Variants in CDH13 observed in about 807,000 individuals in gnomAD.
The protein encoded by CDH13 is cadherin-13.
Under a neutral mutation model 63.8 loss-of-function variants are expected in CDH13, and 24 were observed. The observed-to-expected ratio is 0.38, with a 90% CI of 0.27 to 0.53. The LOEUF is 0.53. CDH13 is among the 20% of genes least tolerant of loss of function. The pLI is 0.85. For missense variants in CDH13, 1,049 were observed against 903.1 expected, an observed-to-expected ratio of 1.16 and a Z score of -2.07; for synonymous variants, 503 against 355.3, an observed-to-expected ratio of 1.42 and a Z score of -4.67.
At chr16:83,145,358 T>C (rs933529497) in intron 4 of CDH13, among the ~76,000 whole-genome samples, 3 of 152,202 alleles carry the variant, frequency 2.0e-5, no homozygotes, top group African/African-American at 4.8e-5. Flanking sequence ...CCAAGCTTAA[T>C]GAAAGGGAGA....
chr16:82,764,622 C>A (rs1161645157), intron 1 of CDH13, among the ~76,000 whole-genome samples: 2 of 152,114 alleles, frequency 1.3e-5, no homozygotes, highest in African/African-American at 2.4e-5. Flanking sequence ...TGATGCCTGG[C>A]CCACAGTAGG....
intron 3 of CDH13, among the ~76,000 whole-genome samples, chr16:83,058,911 T>A (rs1020880533): frequency 3.3e-5 from 5 of 150,400 alleles, no homozygotes; most frequent in African/African-American, 1.0e-4. Flanking sequence ...TTGCTTTTTT[T>A]AATCTTCTTA....
chr16:83,736,216 G>C (rs553323689), intron 10 of CDH13, among the ~76,000 whole-genome samples: 14 of 152,140 alleles, frequency 9.2e-5, no homozygotes, highest in Admixed American at 3.3e-4. Flanking sequence ...GCACCTTAAA[G>C]CATCTGTGTA....
Position 82,907,426 on chromosome 16 carries a change from G to A in CDH13, c.157+48953G>A, listed in dbSNP as rs368141153. On this transcript the variant is annotated intron_variant, in intron 2 of 13. Transcript: ENST00000567109. Reference sequence around the variant, plus strand: ...AAACTACTGTTTAGGGAGATATAGTGAATTTTCCCAAGTCACACTGCAACT... The same window carrying A: ...AAACTACTGTTTAGGGAGATATAGTAAATTTTCCCAAGTCACACTGCAACT... Among the ~76,000 whole-genome samples, 3 of 152,162 alleles carry A rather than the reference G, an allele frequency of 2.0e-5. No individual in the cohort carries two copies. In the East Asian group the frequency reaches 5.8e-4, roughly 29 times the overall value.
intron 6 of CDH13, among the ~76,000 whole-genome samples, chr16:83,407,074 C>A (rs1597948832): frequency 6.6e-6 from 1 of 152,158 alleles, no homozygotes; most frequent in African/African-American, 2.4e-5. Context: ...TTCCTTCTAC[C>A]ATGTATATTC....
chr16:83,275,649 A>T (rs76400935), intron 5 of CDH13, among the ~76,000 whole-genome samples: 3,675 of 115,614 alleles, frequency 0.032, 149 homozygotes, highest in African/African-American at 0.11. Flanking sequence ...AGTGAGCCTT[A>T]TGACTCTGGC....
At chr16:83,484,815 C>G (rs923517329) in intron 6 of CDH13, among the ~76,000 whole-genome samples, 7 of 152,148 alleles carry the variant, frequency 4.6e-5, no homozygotes, top group Admixed American at 2.0e-4. Context: ...GTATCACTAT[C>G]CCCCTGTGGG....
chr16:82,878,291 GCT>G (rs944497594), intron 2 of CDH13, among the ~76,000 whole-genome samples: 3 of 151,932 alleles, frequency 2.0e-5, no homozygotes, highest in African/African-American at 7.2e-5. Flanking sequence ...AAAGCCCTTT[GCT>G]CTCTCAGTAA....
rs1037597240 is a variant in CDH13 at position 83,128,859 on chromosome 16, A to C, written c.483+3358A>C. ...TTATGTGTTGCCCATACTTGTTCTC[A>C]ACTTAGATTCTCTACAAAGCAACTG... On this transcript the variant is annotated intron_variant, in intron 4 of 13. Coordinates refer to ENST00000567109, the MANE Select transcript of CDH13 (RefSeq NM_001257.5). Among the ~76,000 whole-genome samples the C allele has an allele frequency of 5.3e-5, 8 of 152,272 alleles. No individual in the cohort carries two copies. The East Asian group carries it at 9.7e-4, about 18-fold the overall frequency.
At chr16:83,448,938 C>A (rs1433988137) in intron 6 of CDH13, among the ~76,000 whole-genome samples, 2 of 152,098 alleles carry the variant, frequency 1.3e-5, no homozygotes, top group Admixed American at 6.5e-5. Flanking sequence ...CAGGATTCTT[C>A]GTATGGAGAC....
chr16:82,849,821 C>T (rs1441816457), intron 1 of CDH13, among the ~76,000 whole-genome samples: 6 of 152,200 alleles, frequency 3.9e-5, no homozygotes, highest in South Asian at 2.1e-4. Context: ...ATCTACTCTG[C>T]GTGTGCTCTA....
At chr16:83,274,841 G>A (rs1172261777) in intron 5 of CDH13, among the ~76,000 whole-genome samples, 4 of 152,052 alleles carry the variant, frequency 2.6e-5, no homozygotes, top group African/African-American at 4.8e-5. Context: ...AAGCTCCCAG[G>A]ATGAATTTTG....
At chr16:82,688,484 A>G (rs1008486983) in intron 1 of CDH13, among the ~76,000 whole-genome samples, 5 of 152,232 alleles carry the variant, frequency 3.3e-5, no homozygotes, top group African/African-American at 4.8e-5. Context: ...TCTGAAGTCT[A>G]TCAAAGCAGA....
intron 1 of CDH13, among the ~76,000 whole-genome samples, chr16:82,812,502 C>T (rs975724142): frequency 1.3e-5 from 2 of 151,864 alleles, no homozygotes; most frequent in African/African-American, 4.8e-5. Context: ...GGTGGAGGTG[C>T]AGGGAAGACA....
chr16:82,639,292 A>G, intron 1 of CDH13: 1 of 1,121,004 alleles, frequency 8.9e-7, no homozygotes, highest in South Asian at 1.6e-5. Context: ...TACTGATTGC[A>G]ACCTTCAGAA....
chr16:83,526,620 C>T (rs998030328), intron 7 of CDH13, among the ~76,000 whole-genome samples: 16 of 152,336 alleles, frequency 1.1e-4, no homozygotes, highest in African/African-American at 3.1e-4. Context: ...TTCCTAACAG[C>T]GTACAGACTA....
At chr16:82,643,744 T>G (rs1399263058) in intron 1 of CDH13, among the ~76,000 whole-genome samples, 2 of 152,072 alleles carry the variant, frequency 1.3e-5, no homozygotes, top group Non-Finnish European at 2.9e-5. Flanking sequence ...GATGGTTTAG[T>G]GTTACTGACT....
intron 6 of CDH13, among the ~76,000 whole-genome samples, chr16:83,348,424 C>A (rs1006626611): frequency 4.6e-5 from 7 of 152,206 alleles, no homozygotes; most frequent in African/African-American, 1.7e-4. Context: ...TGTCACCACT[C>A]ATGTCACTTT....
chr16:83,271,661 A>G (rs764493781), intron 5 of CDH13, among the ~76,000 whole-genome samples: 1 of 151,978 alleles, frequency 6.6e-6, no homozygotes, highest in Non-Finnish European at 1.5e-5. Context: ...CACAATACTC[A>G]AGGGGAAGGT....
Sources: gnomAD v4.1 joint callset for allele counts (sites outside exome capture counted in the v4.1 genomes callset) on GRCh38, gnomAD v4.1.1 for gene constraint, MANE v1.5 for transcripts, NCBI Gene and HGNC (gene_info 2026-07-23, HGNC 2026-07-21) for gene names.